The following SNX29 variants were observed in gnomAD, a reference collection of about 807,000 sequenced individuals.
SNX29 encodes sorting nexin 29, also known as sorting nexin-29.
SNX29 carries 78 observed loss-of-function variants against 102.1 expected under a neutral mutation model. That is an observed-to-expected ratio of 0.76 (90% CI 0.64 to 0.92). The LOEUF is 0.92. Among genes scored for constraint, SNX29 ranks in the 40% least tolerant of loss-of-function variants. SNX29 has a pLI of 0.00. For missense variants in SNX29, 1,280 were observed against 1,061.7 expected (o/e 1.21, Z -2.86); for synonymous variants, 580 against 414.5 (o/e 1.40, Z -4.85).
At chr16:12,322,233 G>A (rs2080963487) in intron 15 of SNX29, among the ~76,000 whole-genome samples, 1 of 152,172 alleles carries the variant, frequency 6.6e-6, no homozygotes, top group South Asian at 2.1e-4. Flanking sequence ...AGAACTCCCT[G>A]AGTGGCCTAA....
At position 12,167,639 on chromosome 16, in the gene SNX29, A is replaced by G. The variant is rs2076047557; in HGVS notation, c.1596-31962A>G. 5.3e-5 allele frequency among the ~76,000 whole-genome samples: 8 copies of G among 152,138 alleles called. No individual in the cohort carries two copies. The South Asian group carries it at 1.5e-3, about 28-fold the overall frequency. On this transcript the variant is annotated intron_variant, in intron 13 of 20. Coordinates refer to ENST00000566228, the MANE Select transcript of SNX29 (RefSeq NM_032167.5). ...TTATTGAGTGTTTAGTGTGTTTCAGACATTCTTTTAATCCTCCCAATGAGG... is the reference window on the plus strand; with the variant it reads ...TTATTGAGTGTTTAGTGTGTTTCAGGCATTCTTTTAATCCTCCCAATGAGG...
At chr16:12,438,932 G>A (rs1597381509) in intron 18 of SNX29, among the ~76,000 whole-genome samples, 2 of 152,204 alleles carry the variant, frequency 1.3e-5, no homozygotes, top group Admixed American at 6.5e-5. Flanking sequence ...AGCAGGGAAG[G>A]GGGAGAATGA....
chr16:12,347,811 G>A lies in SNX29; in HGVS notation c.1783-8352G>A, dbSNP rs183825761. Among the ~76,000 whole-genome samples the A allele has an allele frequency of 2.0e-4, 31 of 151,642 alleles. 1 individual carries two copies. Among genetic ancestry groups the A allele is most frequent in the Admixed American group, 8.5e-4 (13 of 15,210 alleles). Reference sequence around the variant, plus strand: ...CAGGAATCAGAGCTGGGTGTGGTGGGTCATGCCTATAATCGTAGCACTTCG... The same window carrying A: ...CAGGAATCAGAGCTGGGTGTGGTGGATCATGCCTATAATCGTAGCACTTCG... On this transcript the variant is annotated intron_variant, in intron 15 of 20. Coordinates refer to ENST00000566228, the MANE Select transcript of SNX29 (RefSeq NM_032167.5).
Position 12,291,464 on chromosome 16 carries a change from A to G in SNX29, c.1782+13428A>G, listed in dbSNP as rs1440355945. ...TACCTCCCACTGGGTCTCTCCCACG[A>G]CACGTGGGAATTGTGGGAGCTACAA... On this transcript the variant is annotated intron_variant, in intron 15 of 20. Coordinates refer to ENST00000566228, the MANE Select transcript of SNX29 (RefSeq NM_032167.5). Among the ~76,000 whole-genome samples, 4 of 152,146 alleles carry G rather than the reference A, an allele frequency of 2.6e-5. No individual in the cohort carries two copies. The East Asian group carries it at 7.7e-4, about 29-fold the overall frequency.
chr16:12,366,187 G>C (rs1173642368), intron 16 of SNX29, among the ~76,000 whole-genome samples: 1 of 152,016 alleles, frequency 6.6e-6, no homozygotes, highest in Non-Finnish European at 1.5e-5. Context: ...TAGTTTGATA[G>C]TCTTCCTTAC....
At chr16:12,558,430 G>A (rs572282070) in intron 20 of SNX29, among the ~76,000 whole-genome samples, 4 of 152,222 alleles carry the variant, frequency 2.6e-5, no homozygotes, top group Non-Finnish European at 5.9e-5. Context: ...CTGACATCTA[G>A]AAAGCATTGG....
At position 12,325,403 on chromosome 16, in the gene SNX29, A is replaced by G. The variant is rs1246542455; in HGVS notation, c.1783-30760A>G. Among the ~76,000 whole-genome samples, 3 of 152,208 alleles carry G rather than the reference A, an allele frequency of 2.0e-5. No homozygotes were observed. In the East Asian group the frequency reaches 5.8e-4, roughly 29 times the overall value. ...ATTTAAATGCATTCTGGCAGCTCTT[A>G]TTTGAAGGTTAATTGTGATTCCGAC... On this transcript the variant is annotated intron_variant, in intron 15 of 20. Transcript: ENST00000566228.
intron 3 of SNX29, among the ~76,000 whole-genome samples, chr16:12,016,517 C>A (rs955020564): frequency 2.2e-4 from 33 of 152,240 alleles, no homozygotes; most frequent in African/African-American, 7.7e-4. Flanking sequence ...AGCGGCTGTA[C>A]CATTTTGCGT....
rs142846341 is a variant in SNX29 at position 12,475,460 on chromosome 16, G to A, written c.2038-2259G>A. 4.6e-5 allele frequency among the ~76,000 whole-genome samples: 7 copies of A among 152,314 alleles called. No homozygotes were observed. In the East Asian group the frequency reaches 1.4e-3, roughly 29 times the overall value. On this transcript the variant is annotated intron_variant, in intron 18 of 20. Transcript: ENST00000566228. ...TTTGCAGGCTGTATGGTCTATTTCA[G>A]CTTCTTAACTCTGCTGTACAGAAGC...
At position 12,571,578 on chromosome 16, in the gene SNX29, G is replaced by A. The variant is rs1369363004; in HGVS notation, c.*2949G>A. The A allele has an allele frequency of 5.8e-6, 6 of 1,040,470 alleles. No individual in the cohort carries two copies. Among genetic ancestry groups the A allele is most frequent in the Admixed American group, 1.1e-4 (2 of 18,622 alleles). The allele number at this position is 1,040,470 out of a possible 1,614,324, so 64.5% of individuals were successfully genotyped here. On this transcript the variant is annotated 3_prime_UTR_variant, in exon 21 of 21. Coordinates refer to ENST00000566228, the MANE Select transcript of SNX29 (RefSeq NM_032167.5). ...CCACACCGAATCCTTCTGTCTTCATGGCCTGCTGTGCTGAAACAGAACAGC... is the reference window on the plus strand; with the variant it reads ...CCACACCGAATCCTTCTGTCTTCATAGCCTGCTGTGCTGAAACAGAACAGC...
At chr16:12,367,796 T>G (rs1197822208) in intron 16 of SNX29, among the ~76,000 whole-genome samples, 1 of 152,264 alleles carries the variant, frequency 6.6e-6, no homozygotes, top group Non-Finnish European at 1.5e-5. Context: ...TGGACATCCC[T>G]GTTTTAATCA....
chr16:12,416,319 CACAGTTAG>C, intron 18 of SNX29, among the ~76,000 whole-genome samples: 1 of 152,298 alleles, frequency 6.6e-6, no homozygotes, highest in Middle Eastern at 3.4e-3. Context: ...ATTGCAGAGT[CACAGTTAG>C]ACAGGAGGAA....
chr16:12,332,638 C>G (rs1405214908), intron 15 of SNX29, among the ~76,000 whole-genome samples: 1 of 152,102 alleles, frequency 6.6e-6, no homozygotes, highest in Non-Finnish European at 1.5e-5. Context: ...GCTCAAGAAC[C>G]CCGTCCTTAG....
intron 16 of SNX29, among the ~76,000 whole-genome samples, chr16:12,368,550 C>G (rs2082569792): frequency 1.3e-5 from 2 of 152,188 alleles, no homozygotes; most frequent in South Asian, 2.1e-4. Context: ...TTGAGAAGGT[C>G]AAAGCCCAGA....
chr16:12,535,045 C>G (rs532555866), intron 20 of SNX29, among the ~76,000 whole-genome samples: 4 of 152,272 alleles, frequency 2.6e-5, no homozygotes, highest in South Asian at 2.1e-4. Context: ...ATAAAACCAG[C>G]TACAAAGCAC....
intron 11 of SNX29, among the ~76,000 whole-genome samples, chr16:12,118,303 T>C (rs982354609): frequency 2.2e-5 from 3 of 138,264 alleles, no homozygotes; most frequent in African/African-American, 7.8e-5. Flanking sequence ...ATAGTAGATA[T>C]ACAGACCACC....
At chr16:12,364,241 A>G (rs1309079422) in intron 16 of SNX29, among the ~76,000 whole-genome samples, 1 of 148,620 alleles carries the variant, frequency 6.7e-6, no homozygotes, top group African/African-American at 2.5e-5. Context: ...GGCTCTCACT[A>G]TATTGCCCAG....
At chr16:12,265,992 T>G (rs1339906549) in intron 14 of SNX29, among the ~76,000 whole-genome samples, 1 of 152,146 alleles carries the variant, frequency 6.6e-6, no homozygotes, top group Non-Finnish European at 1.5e-5. Flanking sequence ...TTATCCCCAT[T>G]TTACAAATGA....
Position 12,541,837 on chromosome 16 carries a change from C to G in SNX29, c.2318+16996C>G, listed in dbSNP as rs189548033. Among the ~76,000 whole-genome samples, 7 of 152,258 alleles carry G rather than the reference C, an allele frequency of 4.6e-5. No homozygotes were observed. The East Asian group carries it at 1.4e-3, about 29-fold the overall frequency. ...CCAAGCTCGCCTCTTCCCCTCTTCT[C>G]CCAGCTTTGTAGCACATGCCTGGAA... On this transcript the variant is annotated intron_variant, in intron 20 of 20. Transcript: ENST00000566228.
Sources: allele counts gnomAD v4.1 joint callset (sites outside exome capture counted in the v4.1 genomes callset), GRCh38; gene constraint gnomAD v4.1.1; transcripts MANE v1.5; gene names NCBI Gene and HGNC (gene_info 2026-07-23, HGNC 2026-07-21).